The following NEO1 variants were observed in gnomAD, a reference collection of about 807,000 sequenced individuals.
NEO1 encodes neogenin 1, also known as neogenin.
NEO1 carries 63 observed loss-of-function variants against 159.7 expected under a neutral mutation model. That is an observed-to-expected ratio of 0.39 (90% CI 0.32 to 0.49). NEO1 has a LOEUF of 0.49. NEO1 is among the 20% of genes least tolerant of loss of function. The probability of loss-of-function intolerance (pLI) is 0.85; values close to 1 mark genes in which losing one functional copy is unlikely to be tolerated. For missense variants in NEO1, 1,615 were observed against 1,831.0 expected (o/e 0.88, Z 2.15); for synonymous variants, 633 against 662.0 (o/e 0.96, Z 0.67).
chr15:73,296,514 T>A (rs1200495737), intron 26 of NEO1, among the ~76,000 whole-genome samples: 1 of 152,064 alleles, frequency 6.6e-6, no homozygotes, highest in Admixed American at 6.5e-5. Flanking sequence ...AGATCAGAGG[T>A]GCCACTCGTG....
chr15:73,223,053 C>T (rs574144706), intron 7 of NEO1, among the ~76,000 whole-genome samples: 6 of 152,142 alleles, frequency 3.9e-5, no homozygotes, highest in Non-Finnish European at 8.8e-5. Flanking sequence ...GGTTTTGAAC[C>T]TGCTCTTTCA....
chr15:73,216,182 G>A (rs557985658), intron 7 of NEO1, among the ~76,000 whole-genome samples: 53 of 151,248 alleles, frequency 3.5e-4, no homozygotes, highest in African/African-American at 1.2e-3. Context: ...AATATGCAGT[G>A]TTTGGTTTTT....
intron 8 of NEO1, among the ~76,000 whole-genome samples, chr15:73,242,798 G>GTCTTA (rs1172685639): frequency 6.6e-6 from 1 of 152,198 alleles, no homozygotes; most frequent in Non-Finnish European, 1.5e-5. Context: ...AAAGGGGTTG[G>GTCTTA]TCTTATTGTC....
chr15:73,174,565 T>A (rs1288991374), intron 5 of NEO1, among the ~76,000 whole-genome samples: 1 of 152,012 alleles, frequency 6.6e-6, no homozygotes, highest in African/African-American at 2.4e-5. Context: ...AGCCTCACCA[T>A]AGGAGCAAAA....
At chr15:73,242,551 C>T (rs1359909401) in intron 8 of NEO1, among the ~76,000 whole-genome samples, 1 of 151,988 alleles carries the variant, frequency 6.6e-6, no homozygotes, top group African/African-American at 2.4e-5. Flanking sequence ...ACCTGTAGTC[C>T]CAGCTACGTA....
At chr15:73,256,470 A>G (rs1466601101) in intron 13 of NEO1, among the ~76,000 whole-genome samples, 1 of 152,248 alleles carries the variant, frequency 6.6e-6, no homozygotes, top group Non-Finnish European at 1.5e-5. Flanking sequence ...ACTGCACTCC[A>G]GCCTGGACAA....
chr15:73,290,530 G>A (rs1402160103), intron 25 of NEO1, among the ~76,000 whole-genome samples: 5 of 148,236 alleles, frequency 3.4e-5, no homozygotes, highest in South Asian at 4.3e-4. Flanking sequence ...ACCACCACCC[G>A]CCCAGCCGGA....
At chr15:73,253,839 A>G (rs1431151082) in intron 12 of NEO1, among the ~76,000 whole-genome samples, 2 of 152,202 alleles carry the variant, frequency 1.3e-5, no homozygotes, top group African/African-American at 2.4e-5. Context: ...TAAGTTGTTT[A>G]TAACATGGTT....
chr15:73,274,136 G>T, intron 20 of NEO1, 131 bp downstream of exon 20: 1 of 891,830 alleles, frequency 1.1e-6, no homozygotes. Context: ...GCCATGATGT[G>T]AAGATTTATC....
chr15:73,080,461 C>T (rs2068984142), intron 1 of NEO1, among the ~76,000 whole-genome samples: 1 of 152,072 alleles, frequency 6.6e-6, no homozygotes, highest in African/African-American at 2.4e-5. Context: ...GAGGCTCTAG[C>T]AGTGTAGTGT....
At chr15:73,171,422 G>A (rs933899003) in intron 5 of NEO1, among the ~76,000 whole-genome samples, 4 of 151,646 alleles carry the variant, frequency 2.6e-5, no homozygotes, top group Non-Finnish European at 4.4e-5. Context: ...AAATTAGCTG[G>A]GTGTGGTGGT....
intron 15 of NEO1, among the ~76,000 whole-genome samples, chr15:73,261,561 A>C (rs1340363783): frequency 6.6e-6 from 1 of 152,180 alleles, no homozygotes; most frequent in Non-Finnish European, 1.5e-5. Flanking sequence ...TAAAATAACA[A>C]TACCACGTAG....
rs766310943 is a variant in NEO1, at chr15:73,288,491, A to G, written c.3589A>G (p.Ile1197Val). The G allele has an allele frequency of 6.8e-6, 11 of 1,614,228 alleles. No individual in the cohort carries two copies. Among genetic ancestry groups the G allele is most frequent in the East Asian group, 2.2e-5 (1 of 44,882 alleles). Reference protein sequence around the residue: ...DTPIPRNSQDITPVDNSMDSN... With the variant: ...DTPIPRNSQDVTPVDNSMDSN... ...TCCAATTCCTCGCAACTCTCAAGAT[A>G]TCACACCAGTTGACAACTCCATGGA... The change falls in exon 24 of 29, where the codon ATC (isoleucine) becomes GTC (valine). Residue 1197 changes from isoleucine to valine, a missense_variant. Coordinates refer to ENST00000261908, the MANE Select transcript of NEO1 (RefSeq NM_002499.4).
At chr15:73,177,706 C>T (rs1230046248) in intron 6 of NEO1, among the ~76,000 whole-genome samples, 1 of 152,006 alleles carries the variant, frequency 6.6e-6, no homozygotes. Flanking sequence ...CATGACCAGC[C>T]AATTTTGTAT....
intron 1 of NEO1, among the ~76,000 whole-genome samples, chr15:73,099,311 C>T (rs1350464614): frequency 2.6e-5 from 4 of 152,178 alleles, no homozygotes; most frequent in African/African-American, 9.6e-5. Context: ...GACAGGACGA[C>T]AGCTTACCAA....
chr15:73,245,214 CCA>C (rs918519417), intron 9 of NEO1, among the ~76,000 whole-genome samples: 2 of 151,978 alleles, frequency 1.3e-5, no homozygotes, highest in Non-Finnish European at 2.9e-5. Flanking sequence ...CTTACATTTC[CCA>C]CAGTGTCTAA....
intron 1 of NEO1, among the ~76,000 whole-genome samples, chr15:73,099,881 A>C (rs2070300281): frequency 6.6e-6 from 1 of 152,092 alleles, no homozygotes; most frequent in Non-Finnish European, 1.5e-5. Context: ...TGAAATAATT[A>C]CTCTTATAAA....
intron 7 of NEO1, among the ~76,000 whole-genome samples, chr15:73,235,568 G>T (rs867188345): frequency 6.6e-6 from 1 of 152,096 alleles, no homozygotes; most frequent in African/African-American, 2.4e-5. Context: ...AGTATACATC[G>T]CAGTGAAGAG....
At chr15:73,089,209 C>G (rs181733903) in intron 1 of NEO1, among the ~76,000 whole-genome samples, 27 of 152,184 alleles carry the variant, frequency 1.8e-4, no homozygotes, top group Admixed American at 1.5e-3. Flanking sequence ...TCCCTACCCC[C>G]TTTTCAGAAG....
Sources: gnomAD v4.1 joint callset for allele counts (sites outside exome capture counted in the v4.1 genomes callset) on GRCh38, gnomAD v4.1.1 for gene constraint, MANE v1.5 for transcripts, NCBI Gene and HGNC (gene_info 2026-07-23, HGNC 2026-07-21) for gene names.